ARHGAP21: variants seen among roughly 807,000 people sequenced by gnomAD.
ARHGAP21 encodes the protein rho GTPase-activating protein 21.
A neutral mutation model predicts 164.6 loss-of-function variants in ARHGAP21; 38 were observed. That is an observed-to-expected ratio of 0.23 (90% CI 0.18 to 0.30). The LOEUF (loss-of-function observed/expected upper bound fraction) is 0.30. ARHGAP21 is among the 10% of genes least tolerant of loss of function. ARHGAP21 has a pLI of 1.00. For synonymous variants in ARHGAP21, 766 were observed against 857.9 expected (o/e 0.89, Z 1.87); for missense variants, 1,822 against 2,370.7 (o/e 0.77, Z 4.81).
At chr10:24,628,784 CACACATATAT>C (rs1227086471) in intron 7 of ARHGAP21, among the ~76,000 whole-genome samples, 11 of 96,848 alleles carry the variant, frequency 1.1e-4, no homozygotes, top group African/African-American at 3.3e-4. Flanking sequence ...TATATATATA[CACACATATAT>C]ACACATATAT....
At chr10:24,586,513 TATTCTGATATAGGTTATTAAACATCAC>T (rs1478424634) in intron 25 of ARHGAP21, among the ~76,000 whole-genome samples, 35 of 152,316 alleles carry the variant, frequency 2.3e-4, no homozygotes, top group African/African-American at 7.5e-4. Flanking sequence ...TCAAACATCA[TATTCTGATATAGGTTATTAAACATCAC>T]ATTCTGATAT....
intron 4 of ARHGAP21, among the ~76,000 whole-genome samples, chr10:24,663,303 G>C (rs1232960526): frequency 6.6e-6 from 1 of 152,160 alleles, no homozygotes; most frequent in Non-Finnish European, 1.5e-5. Context: ...AACTATAGCA[G>C]TAACTCAATT....
chr10:24,637,176 A>G (rs1329290426), intron 4 of ARHGAP21, among the ~76,000 whole-genome samples: 1 of 152,214 alleles, frequency 6.6e-6, no homozygotes, highest in Non-Finnish European at 1.5e-5. Context: ...ATGCTGCCTC[A>G]AAAGTAACTG....
chr10:24,710,872 G>A (rs1344796496), intron 2 of ARHGAP21, among the ~76,000 whole-genome samples: 1 of 152,060 alleles, frequency 6.6e-6, no homozygotes, highest in African/African-American at 2.4e-5. Flanking sequence ...AAGGCGGGTG[G>A]ATCCCAAGGT....
chr10:24,587,021 C>A (rs902592292), intron 25 of ARHGAP21, among the ~76,000 whole-genome samples: 2 of 152,076 alleles, frequency 1.3e-5, no homozygotes, highest in Non-Finnish European at 2.9e-5. Flanking sequence ...GCCTGGGTGA[C>A]AGAGTGAGAA....
rs201224706 is a variant in ARHGAP21, at chr10:24,611,999, C to CA, written c.2423-4097dup. 4.3e-3 allele frequency among the ~76,000 whole-genome samples: 655 copies of CA among 151,730 alleles called. 4 individuals are homozygous for CA. Among genetic ancestry groups the CA allele is most frequent in the African/African-American group, 0.014 (595 of 41,416 alleles). On this transcript the variant is annotated intron_variant, in intron 9 of 25. Transcript: ENST00000396432. The stretch of plus-strand genomic sequence containing the variant: ...CACTGTTACAGGTTAGGGCACAGAG[C>CA]AAAAAAAAGTCCCTTCTAAGGTGAG...
chr10:24,672,585 T>A (rs990429753), intron 2 of ARHGAP21, among the ~76,000 whole-genome samples: 1 of 152,244 alleles, frequency 6.6e-6, no homozygotes, highest in African/African-American at 2.4e-5. Context: ...CATGTCTGCA[T>A]AGCTGCTAAG....
chr10:24,607,950 T>C (rs2077100288), intron 9 of ARHGAP21, 47 bp from the exon 10 acceptor site: 3 of 1,522,152 alleles, frequency 2.0e-6, no homozygotes, highest in African/African-American at 1.4e-5. Context: ...CTAATTGTTA[T>C]TAATAATAAA....
At chr10:24,703,151 G>A (rs1354009610) in intron 2 of ARHGAP21, among the ~76,000 whole-genome samples, 3 of 151,958 alleles carry the variant, frequency 2.0e-5, no homozygotes, top group Non-Finnish European at 2.9e-5. Flanking sequence ...GAAAAAAAAT[G>A]GCAGTATCAA....
At chr10:24,628,844 C>CACATACATATATACACATATAT (rs1835429222) in intron 7 of ARHGAP21, among the ~76,000 whole-genome samples, 3 of 133,290 alleles carry the variant, frequency 2.3e-5, no homozygotes, top group Admixed American at 1.5e-4. Flanking sequence ...TACATATATA[C>CACATACATATATACACATATAT]ACATACATAT....
intron 4 of ARHGAP21, among the ~76,000 whole-genome samples, chr10:24,663,799 G>C (rs1448684410): frequency 6.6e-6 from 1 of 152,168 alleles, no homozygotes; most frequent in Non-Finnish European, 1.5e-5. Flanking sequence ...AAAGTGCTGG[G>C]GTTACAGGCG....
intron 24 of ARHGAP21, chr10:24,590,637 T>C: frequency 1.4e-6 from 2 of 1,396,460 alleles, no homozygotes; most frequent in South Asian, 1.8e-5. Flanking sequence ...CAAAAGAGCC[T>C]AGAAGAACTA....
chr10:24,653,530 G>A (rs1456207185), intron 4 of ARHGAP21, among the ~76,000 whole-genome samples: 8 of 151,344 alleles, frequency 5.3e-5, no homozygotes, highest in East Asian at 1.9e-4. Context: ...CTGAGATCGC[G>A]CCACTGTACT....
At chr10:24,603,208 C>T (rs545496433) in intron 12 of ARHGAP21, among the ~76,000 whole-genome samples, 1 of 152,224 alleles carries the variant, frequency 6.6e-6, no homozygotes, top group East Asian at 1.9e-4. Context: ...AAAGAGCCTG[C>T]AGAGGGGATG....
chr10:24,716,570 G>T (rs367716486), intron 2 of ARHGAP21, among the ~76,000 whole-genome samples: 1 of 152,250 alleles, frequency 6.6e-6, no homozygotes, highest in Non-Finnish European at 1.5e-5. Flanking sequence ...GCTCAGGGAG[G>T]GGGAAGGACC....
At chr10:24,696,793 T>C (rs1203860034) in intron 2 of ARHGAP21, among the ~76,000 whole-genome samples, 2 of 152,168 alleles carry the variant, frequency 1.3e-5, no homozygotes, top group Non-Finnish European at 2.9e-5. Flanking sequence ...ATGTGCTATG[T>C]GTTACATCAG....
At chr10:24,682,805 T>C (rs908386081) in intron 2 of ARHGAP21, among the ~76,000 whole-genome samples, 3 of 151,998 alleles carry the variant, frequency 2.0e-5, no homozygotes, top group African/African-American at 7.2e-5. Flanking sequence ...TCAGCGGGTA[T>C]TGAACATTTA....
At chr10:24,610,335 C>T (rs766611937) in intron 9 of ARHGAP21, among the ~76,000 whole-genome samples, 62 of 150,494 alleles carry the variant, frequency 4.1e-4, no homozygotes, top group Non-Finnish European at 7.4e-4. Flanking sequence ...GAGATCATGC[C>T]ACTGCACTCC....
At position 24,695,463 on chromosome 10, in the gene ARHGAP21, G is replaced by A. The variant is rs1196616196; in HGVS notation, c.64-25066C>T. Among the ~76,000 whole-genome samples, 6 of 151,930 alleles carry A rather than the reference G, an allele frequency of 3.9e-5. No individual in the cohort carries two copies. The East Asian group carries it at 7.7e-4, about 20-fold the overall frequency. On this transcript the variant is annotated intron_variant, in intron 2 of 25. Coordinates refer to ENST00000396432, the MANE Select transcript of ARHGAP21 (RefSeq NM_020824.4). ...GGGTGCCTGTAATTCCAGCTACTCC[G>A]GAGGCTGAGGCATGAGAATCACTTG... is the stretch of plus-strand genomic sequence containing the variant.
Sources: gnomAD v4.1 joint callset for allele counts (sites outside exome capture counted in the v4.1 genomes callset) on GRCh38, gnomAD v4.1.1 for gene constraint, MANE v1.5 for transcripts, NCBI Gene and HGNC (gene_info 2026-07-23, HGNC 2026-07-21) for gene names.